Variants in CCNP observed in about 807,000 individuals in gnomAD.
CCNP encodes the protein cyclin P.
In CCNP, 18 loss-of-function variants were observed where a neutral mutation model predicts 19.6. That is an observed-to-expected ratio of 0.92 (90% CI 0.64 to 1.36). The LOEUF (loss-of-function observed/expected upper bound fraction) is 1.36. Ranked by LOEUF, CCNP falls within the 40% of genes most tolerant of loss-of-function variation. The pLI is 0.00. For synonymous variants in CCNP, 228 were observed against 194.9 expected, an observed-to-expected ratio of 1.17 and a Z score of -1.41; for missense variants, 440 against 424.4, an observed-to-expected ratio of 1.04 and a Z score of -0.32.
Position 40,223,244 on chromosome 19 carries a change from T to TC in CCNP, c.731dup (p.Trp245MetfsTer33), listed in dbSNP as rs1973479324. 1.3e-6 allele frequency: 2 copies of TC among 1,545,326 alleles called. No homozygotes were observed. The highest frequency in any genetic ancestry group is 2.7e-5 in the African/African-American group (2 of 72,878). Reference sequence around the variant, plus strand: ...CAGCCGCACGACGACCCGGCTCCCATCCCGCCGCCTCGGCCTCCAGCAAAG... The same window carrying TC: ...CAGCCGCACGACGACCCGGCTCCCATCCCCGCCGCCTCGGCCTCCAGCAAAG... On this transcript the variant is annotated frameshift_variant, in exon 5 of 5. Coordinates refer to ENST00000430325, the MANE Select transcript of CCNP (RefSeq NM_024877.4). LOFTEE classifies it low-confidence loss of function (END_TRUNC).
chr19:40,223,595 T>TA, intron 3 of CCNP, 49 bp from the exon 4 acceptor site: 5 of 1,601,614 alleles, frequency 3.1e-6, no homozygotes, highest in Non-Finnish European at 4.3e-6. Flanking sequence ...GGATCCGGGC[T>TA]CTTTACTCCC....
intron 1 of CCNP, 149 bp downstream of exon 1, chr19:40,226,226 A>G: frequency 1.4e-6 from 1 of 704,148 alleles, no homozygotes; most frequent in Non-Finnish European, 2.3e-6. Flanking sequence ...TGAAAACAAA[A>G]CAAAAGCCTG....
chr19:40,225,393 C>T (rs1303524075), intron 1 of CCNP, among the ~76,000 whole-genome samples: 1 of 152,124 alleles, frequency 6.6e-6, no homozygotes, highest in Non-Finnish European at 1.5e-5. Flanking sequence ...ATCCTCAACC[C>T]CTCTGCCTCA....
At chr19:40,226,256 G>A (rs867882300) in intron 1 of CCNP, 119 bp downstream of exon 1, 37 of 860,094 alleles carry the variant, frequency 4.3e-5, no homozygotes, top group South Asian at 2.0e-4. Context: ...GGGAAGGAAC[G>A]CCGGCTGCCA....
rs138427224 is a variant in CCNP at position 40,226,470 on chromosome 19, G to C, written c.172C>G (p.Arg58Gly). ...FPAGPTVSPR[R>G]LARPPGLEEA... Reference sequence around the variant, plus strand: ...TCCAGCCCCGGCGGCCTCGCCAGGCGTCTTGGGGAGACAGTGGGGCCCGCG... The same window carrying C: ...TCCAGCCCCGGCGGCCTCGCCAGGCCTCTTGGGGAGACAGTGGGGCCCGCG... The change falls in exon 1 of 5, where the codon CGC becomes GGC. Residue 58 changes from arginine (R) to glycine (G), a missense_variant. Coordinates refer to ENST00000430325, the MANE Select transcript of CCNP (RefSeq NM_024877.4). The C allele has an allele frequency of 4.3e-4, 698 of 1,607,268 alleles. 2 individuals are homozygous for C. In the African/African-American group the frequency reaches 8.1e-3, roughly 19 times the overall value.
chr19:40,223,247 C>G lies in CCNP; in HGVS notation c.729G>C (p.Ala243=), dbSNP rs532696748. 5 of 1,545,212 alleles carry G rather than the reference C, an allele frequency of 3.2e-6. 1 individual carries two copies. Among genetic ancestry groups the G allele is most frequent in the South Asian group, 2.4e-5 (2 of 83,798 alleles). Residue 243 remains alanine (A), a synonymous_variant, in exon 5 of 5, where the codon GCG becomes GCC. Transcript: ENST00000430325. Reference sequence around the variant, plus strand: ...CCGCACGACGACCCGGCTCCCATCCCGCCGCCTCGGCCTCCAGCAAAGACA... The same window carrying G: ...CCGCACGACGACCCGGCTCCCATCCGGCCGCCTCGGCCTCCAGCAAAGACA... The part of the protein sequence containing the change: ...LELSLLEAEA[A]GWEPGRRAAA...
chr19:40,223,521 G>A lies in CCNP; in HGVS notation c.539C>T (p.Ala180Val), dbSNP rs762598334. Residue 180 changes from alanine (A) to valine (V), a missense_variant, in exon 4 of 5, where the codon GCG becomes GTG. Transcript: ENST00000430325. ...PEPAFLCLLS[A>V]DSFSRAELLR... ...CAGCTCCGCCCGTGAGAAGGAGTCC[G>A]CGCTCAGGAGGCAGAGGAAGGCGGG... The A allele has an allele frequency of 6.2e-7, 1 of 1,604,410 alleles. No homozygotes were observed. The highest frequency in any genetic ancestry group is 1.1e-5 in the South Asian group (1 of 90,272).
In CCNP at chr19:40,223,197, C is replaced by T. The variant is rs1036770613; in HGVS notation, c.779G>A (p.Arg260His). The change falls in exon 5 of 5, where the codon CGC (arginine) becomes CAC (histidine). Residue 260 changes from arginine to histidine, a missense_variant. Physicochemically the swap from Arg to His is conservative, Grantham distance 29. Transcript: ENST00000430325. ...RAAAALSLAH[R>H]LLDGAGSRLQ... Reference sequence around the variant, plus strand: ...CCTGGAGCCCGCCCCGTCGAGCAAGCGGTGCGCCAGGCTCAGAGCCGCAGC... The same window carrying T: ...CCTGGAGCCCGCCCCGTCGAGCAAGTGGTGCGCCAGGCTCAGAGCCGCAGC... 1.7e-5 allele frequency: 27 copies of T among 1,550,524 alleles called. No homozygotes were observed. Among genetic ancestry groups the T allele is most frequent in the Non-Finnish European group, 2.3e-5 (26 of 1,146,808 alleles).
In CCNP at chr19:40,224,722, G is replaced by A. The variant is rs1568501837; in HGVS notation, c.357C>T (p.His119=). Residue 119 remains histidine (H), a splice_region_variant and synonymous_variant, in exon 2 of 5, where the codon CAC becomes CAT. Transcript: ENST00000430325. ...ALVVDWLVQV[H]EYLGLAGDTL... ...CCCCCACACCCTTCCAGATACCTAC[G>A]TGCACCTGGACCAGCCAGTCTACCA... The A allele has an allele frequency of 3.2e-6, 5 of 1,577,574 alleles. No individual in the cohort carries two copies. The highest frequency in any genetic ancestry group is 4.3e-6 in the Non-Finnish European group (5 of 1,163,030).
chr19:40,223,720 C>T, intron 3 of CCNP, 174 bp from the exon 4 acceptor site: 1 of 858,232 alleles, frequency 1.2e-6, no homozygotes, highest in Non-Finnish European at 1.9e-6. Context: ...GGGTTCAAGA[C>T]CTAGGTTCGA....
At chr19:40,225,259 A>G (rs557563423) in intron 1 of CCNP, among the ~76,000 whole-genome samples, 1 of 151,996 alleles carries the variant, frequency 6.6e-6, no homozygotes, top group African/African-American at 2.4e-5. Context: ...GGGTTTCACC[A>G]TGTTGACCAG....
chr19:40,222,590 G>A lies in CCNP; in HGVS notation c.*462C>T, dbSNP rs1973463078. On this transcript the variant is annotated 3_prime_UTR_variant, in exon 5 of 5. Transcript: ENST00000430325. Reference sequence around the variant, plus strand: ...GATGTGGTTCCCCACGGACGGGTCGGGGGCTCTCTTGAGATCGGGCACGCG... The same window carrying A: ...GATGTGGTTCCCCACGGACGGGTCGAGGGCTCTCTTGAGATCGGGCACGCG... 1 of 397,600 alleles carries A rather than the reference G, an allele frequency of 2.5e-6. No individual in the cohort carries two copies. The highest frequency in any genetic ancestry group is 4.4e-6 in the Non-Finnish European group (1 of 225,808). 24.6% of individuals were successfully genotyped at this position (397,600 alleles called of 1,614,324 possible). A position where few individuals can be genotyped will look rare whatever the true frequency, so the allele number is the denominator to read the frequency against.
In CCNP at chr19:40,224,608, CAGAT is replaced by C; in HGVS notation, c.389_392del (p.Tyr130TrpfsTer10). Reference sequence around the variant, plus strand: ...GGTAGGAATCAAGCAGGTGAACCGCCAGATAAAGTGTGTCACCAGCCAGACCCAG... The same window carrying C: ...GGTAGGAATCAAGCAGGTGAACCGCCAAAGTGTGTCACCAGCCAGACCCAG... On this transcript the variant is annotated frameshift_variant, in exon 3 of 5. Coordinates refer to ENST00000430325, the MANE Select transcript of CCNP (RefSeq NM_024877.4). LOFTEE classifies it high-confidence loss of function. 3 of 1,614,196 alleles carry C rather than the reference CAGAT, an allele frequency of 1.9e-6. No homozygotes were observed. Among genetic ancestry groups the C allele is most frequent in the Non-Finnish European group, 2.5e-6 (3 of 1,180,044 alleles).
At position 40,222,382 on chromosome 19, in the gene CCNP, A is replaced by G; in HGVS notation, c.*670T>C. 5.0e-6 allele frequency: 2 copies of G among 398,952 alleles called. No individual in the cohort carries two copies. Among genetic ancestry groups the G allele is most frequent in the Non-Finnish European group, 8.8e-6 (2 of 226,036 alleles). 24.7% of individuals were successfully genotyped at this position (398,952 alleles called of 1,614,324 possible). A position where few individuals can be genotyped will look rare whatever the true frequency, so the allele number is the denominator to read the frequency against. ...TGGTCCCCTGGCGCTGGGGCCGCGCATACTTGAGGAAGACTGCGGCGCGAC... is the reference window on the plus strand; with the variant it reads ...TGGTCCCCTGGCGCTGGGGCCGCGCGTACTTGAGGAAGACTGCGGCGCGAC... On this transcript the variant is annotated 3_prime_UTR_variant, in exon 5 of 5. Transcript: ENST00000430325.
Position 40,222,621 on chromosome 19 carries a change from T to A in CCNP, c.*431A>T. The A allele has an allele frequency of 2.5e-6, 1 of 397,458 alleles. No individual in the cohort carries two copies. Among genetic ancestry groups the A allele is most frequent in the African/African-American group, 2.1e-5 (1 of 48,620 alleles). The allele number at this position is 397,458 out of a possible 1,614,324, so 24.6% of individuals were successfully genotyped here. The stretch of plus-strand genomic sequence containing the variant: ...CTCTTGAGATCGGGCACGCGTCCCG[T>A]CTTCAACTGGAGTGACTAGGCGAGC... On this transcript the variant is annotated 3_prime_UTR_variant, in exon 5 of 5. Transcript: ENST00000430325.
At chr19:40,225,584 A>C (rs4490099) in intron 1 of CCNP, among the ~76,000 whole-genome samples, 1 of 151,966 alleles carries the variant, frequency 6.6e-6, no homozygotes. Context: ...CCTTCTTTTT[A>C]GCTCCTAGAC....
intron 1 of CCNP, 63 bp from the exon 2 acceptor site, chr19:40,224,874 C>T: frequency 7.0e-7 from 1 of 1,419,266 alleles, no homozygotes; most frequent in South Asian, 1.3e-5. Flanking sequence ...TCCTGAGCTC[C>T]AGCCCTGGAT....
Position 40,224,775 on chromosome 19 carries a change from C to T in CCNP, c.304G>A (p.Ala102Thr), listed in dbSNP as rs1973516963. 1 of 1,557,474 alleles carries T rather than the reference C, an allele frequency of 6.4e-7. No individual in the cohort carries two copies. Among genetic ancestry groups the T allele is most frequent in the Non-Finnish European group, 8.7e-7 (1 of 1,150,432 alleles). Residue 102 changes from alanine to threonine, a missense_variant, in exon 2 of 5, where the codon GCT (alanine) becomes ACT (threonine). Ala to Thr is a moderately conservative substitution (Grantham distance 58). Coordinates refer to ENST00000430325, the MANE Select transcript of CCNP (RefSeq NM_024877.4). ...AGGGCGCGCATCTCCGGGGTCACAG[C>T]GCGGGGCAGGGCTCTCAGGGGCAGC... ...RVLPLRALPR[A>T]VTPEMRALVV...
chr19:40,223,336 G>GC (rs1973481750), intron 4 of CCNP, 33 bp from the exon 5 acceptor site: 2 of 1,494,728 alleles, frequency 1.3e-6, no homozygotes, highest in South Asian at 1.3e-5. Context: ...GTCAGGCCAC[G>GC]CCCCACTTCG....
Sources: gnomAD v4.1 joint callset for allele counts (sites outside exome capture counted in the v4.1 genomes callset) on GRCh38, gnomAD v4.1.1 for gene constraint, MANE v1.5 for transcripts, NCBI Gene and HGNC (gene_info 2026-07-23, HGNC 2026-07-21) for gene names.